The following ZNF273 variants were observed in gnomAD, a reference collection of about 807,000 sequenced individuals.
ZNF273 encodes the protein zinc finger protein 273, also known as zinc finger protein 9.
ZNF273 carries 11 observed loss-of-function variants against 14.9 expected under a neutral mutation model. The observed-to-expected ratio is 0.74, with a 90% CI of 0.46 to 1.22. ZNF273 has a LOEUF of 1.22. Ranked by LOEUF, ZNF273 falls within the 50% of genes most tolerant of loss-of-function variation. The pLI, the probability that ZNF273 is intolerant of heterozygous loss-of-function variation, is 0.00. For missense variants in ZNF273, 577 were observed against 660.6 expected (o/e 0.87, Z 1.39); for synonymous variants, 199 against 223.9 (o/e 0.89, Z 0.99).
At chr7:64,914,180 GTA>G (rs1554386728) in intron 1 of ZNF273, among the ~76,000 whole-genome samples, 21,954 of 62,722 alleles carry the variant, frequency 0.35, 4,980 homozygotes, top group South Asian at 0.43. Flanking sequence ...GGTAATTTTT[GTA>G]TTTTTTTTTT....
chr7:64,900,027 T>C (rs1792595722), upstream of ZNF273, among the ~76,000 whole-genome samples: 1 of 152,116 alleles, frequency 6.6e-6, no homozygotes, highest in Non-Finnish European at 1.5e-5. Flanking sequence ...CCCAAAGTGC[T>C]GGGATGAGCC....
At chr7:64,883,833 T>C (rs950261228), downstream of ZNF273, among the ~76,000 whole-genome samples, 1 of 152,228 alleles carries the variant, frequency 6.6e-6, no homozygotes, top group African/African-American at 2.4e-5. Context: ...CAAAGGCTTC[T>C]ACAGTAAACC....
intron 2 of ZNF273, among the ~76,000 whole-genome samples, chr7:64,878,902 C>A (rs1468623057): frequency 1.3e-5 from 2 of 152,188 alleles, no homozygotes; most frequent in African/African-American, 4.8e-5. Flanking sequence ...CATTGAAATC[C>A]ATTGCATGAC....
chr7:64,891,579 G>A (rs1792040763), downstream of ZNF273, among the ~76,000 whole-genome samples: 1 of 152,214 alleles, frequency 6.6e-6, no homozygotes, highest in African/African-American at 2.4e-5. Context: ...TGAACAAGCA[G>A]CATCAGAATT....
At chr7:64,924,218 A>G (rs1054618633) in intron 3 of ZNF273, 2 of 152,196 alleles carry the variant, frequency 1.3e-5, no homozygotes, top group East Asian at 1.9e-4. Flanking sequence ...GTTCTAAAAT[A>G]CTTTTTAAGA....
downstream of ZNF273, among the ~76,000 whole-genome samples, chr7:64,882,120 C>T (rs1583949275): frequency 2.0e-5 from 3 of 152,174 alleles, no homozygotes; most frequent in African/African-American, 7.2e-5. Context: ...AGCTCAAGGG[C>T]CCCGCAATCT....
chr7:64,928,286 T>A lies in ZNF273; in HGVS notation c.958T>A (p.Cys320Ser). The A allele has an allele frequency of 6.2e-7, 1 of 1,612,762 alleles. No homozygotes were observed. The highest frequency in any genetic ancestry group is 8.5e-7 in the Non-Finnish European group (1 of 1,179,550). Residue 320 changes from cysteine (C) to serine (S), a missense_variant, in exon 4 of 4, where the codon TGT (cysteine) becomes AGT (serine). Physicochemically the swap from Cys to Ser is moderately radical, Grantham distance 112 (BLOSUM62 -1). This residue lies in a region of ZNF273 where 411 missense variants were observed against 440.4 expected (regional missense o/e 0.93). Coordinates refer to ENST00000476120, the MANE Select transcript of ZNF273 (RefSeq NM_021148.3). ...TCATACAGGAACAAAACCCTACAAT[T>A]GTGAAGAATGTGGCAAAGGCTTTAG... is the stretch of plus-strand genomic sequence containing the variant. ...IIHTGTKPYN[C>S]EECGKGFSIF...
intron 3 of ZNF273, chr7:64,897,207 G>A (rs1227947564): frequency 6.6e-6 from 1 of 152,190 alleles, no homozygotes; most frequent in African/African-American, 2.4e-5. Flanking sequence ...TATATGCTGA[G>A]GAGTCAAAAC....
intron 1 of ZNF273, among the ~76,000 whole-genome samples, chr7:64,906,741 G>A (rs1436097277): frequency 6.6e-6 from 1 of 152,156 alleles, no homozygotes; most frequent in African/African-American, 2.4e-5. Context: ...TGCAGTTAAA[G>A]TTAAGATGGA....
At chr7:64,912,826 G>GTTTTGTTTTTTGTTTTTTTTTTTTT (rs746174998) in intron 1 of ZNF273, among the ~76,000 whole-genome samples, 11 of 36,572 alleles carry the variant, frequency 3.0e-4, no homozygotes, top group Non-Finnish European at 5.7e-4. Flanking sequence ...ATTCATTTTA[G>GTTTTGTTTTTTGTTTTTTTTTTTTT]TTTTTTTTTT....
At chr7:64,911,654 T>C (rs940646596) in intron 1 of ZNF273, among the ~76,000 whole-genome samples, 1 of 152,122 alleles carries the variant, frequency 6.6e-6, no homozygotes, top group African/African-American at 2.4e-5. Flanking sequence ...TCGCTATTGG[T>C]TTATTTTATT....
intron 1 of ZNF273, among the ~76,000 whole-genome samples, chr7:64,912,998 T>C (rs565324092): frequency 7.7e-4 from 117 of 151,736 alleles, no homozygotes; most frequent in African/African-American, 2.5e-3. Flanking sequence ...CCAGCTAATA[T>C]TTGTATTTTT....
downstream of ZNF273, among the ~76,000 whole-genome samples, chr7:64,933,011 A>G (rs1795024735): frequency 6.6e-6 from 1 of 151,890 alleles, no homozygotes; most frequent in African/African-American, 2.4e-5. Flanking sequence ...CACTCTTGTC[A>G]CCCAAGCTGG....
In ZNF273 at chr7:64,929,610, G is replaced by T. The variant is rs1481074908; in HGVS notation, c.*572G>T. 1 of 152,144 alleles carries T rather than the reference G, an allele frequency of 6.6e-6. No individual in the cohort carries two copies. Among genetic ancestry groups the T allele is most frequent in the African/African-American group, 2.4e-5 (1 of 41,430 alleles). The allele number at this position is 152,144 out of a possible 1,614,324, so 9.4% of individuals were successfully genotyped here. ...AAGTTAGGTTTATATAAATATCAGA[G>T]AATTCACAATACAGATATCTAAGAT... On this transcript the variant is annotated 3_prime_UTR_variant, in exon 4 of 4. Coordinates refer to ENST00000476120, the MANE Select transcript of ZNF273 (RefSeq NM_021148.3).
At chr7:64,916,041 C>A (rs766860886) in intron 1 of ZNF273, among the ~76,000 whole-genome samples, 54 of 151,624 alleles carry the variant, frequency 3.6e-4, no homozygotes, top group Non-Finnish European at 6.3e-4. Context: ...ACTAAAAATA[C>A]AAAAATTAGC....
chr7:64,880,441 A>G (rs114753707), downstream of ZNF273, among the ~76,000 whole-genome samples: 1,709 of 152,050 alleles, frequency 0.011, 33 homozygotes, highest in African/African-American at 0.037. Flanking sequence ...TGCCTCAGAA[A>G]CTGCCGGGCT....
At chr7:64,903,832 T>C (rs1792901948) in intron 1 of ZNF273, among the ~76,000 whole-genome samples, 1 of 152,206 alleles carries the variant, frequency 6.6e-6, no homozygotes, top group African/African-American at 2.4e-5. Context: ...CAGACAGTCA[T>C]TCACAAATTA....
At chr7:64,905,648 A>G (rs1793061496) in intron 1 of ZNF273, among the ~76,000 whole-genome samples, 1 of 152,170 alleles carries the variant, frequency 6.6e-6, no homozygotes, top group African/African-American at 2.4e-5. Flanking sequence ...AGATGGTGCA[A>G]GAACTTGCAA....
At chr7:64,887,351 T>TGAGAA (rs1791652490) in intron 1 of ZNF273, among the ~76,000 whole-genome samples, 1 of 73,506 alleles carries the variant, frequency 1.4e-5, no homozygotes, top group East Asian at 3.7e-4. Context: ...CATGATCATC[T>TGAGAA]CCTTCCACGT....
Sources: allele counts gnomAD v4.1 joint callset (sites outside exome capture counted in the v4.1 genomes callset), GRCh38; gene constraint gnomAD v4.1.1; regional missense constraint gnomAD v4.1.1; transcripts MANE v1.5; gene names NCBI Gene and HGNC (gene_info 2026-07-23, HGNC 2026-07-21).